Variants in DCHS2 observed in about 807,000 individuals in gnomAD.
The protein encoded by DCHS2 is dachsous cadherin-related 2.
A neutral mutation model predicts 182.4 loss-of-function variants in DCHS2; 142 were observed. The observed-to-expected ratio is 0.78, with a 90% CI of 0.68 to 0.89. DCHS2 has a LOEUF of 0.89. DCHS2 is among the 40% of genes least tolerant of loss of function. The pLI is 0.00. For missense variants in DCHS2, 4,319 were observed against 4,198.6 expected (o/e 1.03, Z -0.79); for synonymous variants, 1,740 against 1,663.3 (o/e 1.05, Z -1.12).
At position 154,393,381 on chromosome 4, in the gene DCHS2, A is replaced by G. The variant is rs554018449; in HGVS notation, c.2053-15937T>C. On this transcript the variant is annotated intron_variant, in intron 1 of 19. Transcript: ENST00000357232. ...GGGCTTGAAAGCTTTTGGTTGGGGG[A>G]AAAAAAATGGGCTTCATATTTTAAC... Among the ~76,000 whole-genome samples the G allele has an allele frequency of 2.6e-5, 4 of 151,940 alleles. No individual in the cohort carries two copies. The East Asian group carries it at 5.8e-4, about 22-fold the overall frequency.
At chr4:154,292,610 G>A (rs972246774) in intron 13 of DCHS2, among the ~76,000 whole-genome samples, 1 of 152,162 alleles carries the variant, frequency 6.6e-6, no homozygotes, top group African/African-American at 2.4e-5. Flanking sequence ...TTTGCTTTTA[G>A]TGCCATTCCT....
In DCHS2 at chr4:154,478,972, T is replaced by C. The variant is rs150203600; in HGVS notation, c.2052+10332A>G. On this transcript the variant is annotated intron_variant, in intron 1 of 19. Transcript: ENST00000357232. ...CAATATCTGAAAAACTAGAGAAATA[T>C]GATACATTTACAAGACAAAAAACAA... is the stretch of plus-strand genomic sequence containing the variant. Among the ~76,000 whole-genome samples, 211 of 152,156 alleles carry C rather than the reference T, an allele frequency of 1.4e-3. 1 individual carries two copies. Among genetic ancestry groups the C allele is most frequent in the African/African-American group, 4.8e-3 (199 of 41,518 alleles).
chr4:154,359,018 T>C (rs909942679), intron 3 of DCHS2, among the ~76,000 whole-genome samples: 1 of 151,846 alleles, frequency 6.6e-6, no homozygotes, highest in Admixed American at 6.6e-5. Context: ...TTGGTCAGAG[T>C]AAAATTTATG....
intron 1 of DCHS2, among the ~76,000 whole-genome samples, chr4:154,405,434 T>G (rs950279908): frequency 1.3e-5 from 2 of 150,794 alleles, no homozygotes; most frequent in Non-Finnish European, 3.0e-5. Flanking sequence ...TTATTAGCCC[T>G]TATTGATTCA....
chr4:154,344,991 G>C (rs966793651), intron 3 of DCHS2, among the ~76,000 whole-genome samples: 2 of 152,188 alleles, frequency 1.3e-5, no homozygotes, highest in Admixed American at 1.3e-4. Context: ...CAAAGGACTT[G>C]GGAGGAATAC....
At chr4:154,292,130 A>C (rs1255663938) in intron 13 of DCHS2, among the ~76,000 whole-genome samples, 1 of 152,208 alleles carries the variant, frequency 6.6e-6, no homozygotes, top group Middle Eastern at 3.2e-3. Context: ...ATGTAAAAAA[A>C]CAAATTTTCT....
At chr4:154,470,641 TACATATGTC>T (rs1428029766) in intron 1 of DCHS2, among the ~76,000 whole-genome samples, 2 of 152,218 alleles carry the variant, frequency 1.3e-5, no homozygotes, top group Non-Finnish European at 2.9e-5. Flanking sequence ...AACGCTGCTG[TACATATGTC>T]ACTCATCTCA....
rs562695209 is a variant in DCHS2 at position 154,386,737 on chromosome 4, T to C, written c.2053-9293A>G. Among the ~76,000 whole-genome samples the C allele has an allele frequency of 2.6e-3, 402 of 152,272 alleles. 23 individuals are homozygous for C. The South Asian group carries it at 0.079, about 30-fold the overall frequency. Reference sequence around the variant, plus strand: ...TGTTTGTTGCATGAATTAATGAATCTAATACTGTGTATAGGATACAAGCAC... The same window carrying C: ...TGTTTGTTGCATGAATTAATGAATCCAATACTGTGTATAGGATACAAGCAC... On this transcript the variant is annotated intron_variant, in intron 1 of 19. Transcript: ENST00000357232.
At chr4:154,251,995 G>T (rs1323349300) in intron 16 of DCHS2, among the ~76,000 whole-genome samples, 290 of 152,160 alleles carry the variant, frequency 1.9e-3, no homozygotes, top group Middle Eastern at 3.4e-3. Flanking sequence ...GGCTTAATAT[G>T]AAAACTAAAA....
intron 1 of DCHS2, among the ~76,000 whole-genome samples, chr4:154,384,651 T>A (rs542482831): frequency 2.6e-5 from 4 of 152,164 alleles, no homozygotes; most frequent in Admixed American, 1.3e-4. Flanking sequence ...GGGTCCTATA[T>A]CCAACAAATG....
At chr4:154,302,728 G>T (rs4622978) in intron 12 of DCHS2, among the ~76,000 whole-genome samples, 11,442 of 146,128 alleles carry the variant, frequency 0.078, 1,088 homozygotes, top group African/African-American at 0.23. Flanking sequence ...GGAGACTTTG[G>T]GACCATGAAG....
At chr4:154,341,284 G>A (rs1180553219) in intron 3 of DCHS2, among the ~76,000 whole-genome samples, 2 of 151,246 alleles carry the variant, frequency 1.3e-5, no homozygotes, top group African/African-American at 4.9e-5. Flanking sequence ...CAGGAGAATG[G>A]CGTGAACCCG....
chr4:154,483,637 G>A (rs1017926174), intron 1 of DCHS2, among the ~76,000 whole-genome samples: 3 of 152,146 alleles, frequency 2.0e-5, no homozygotes, highest in Non-Finnish European at 4.4e-5. Context: ...TTCAAATAAC[G>A]AGTGCCTTAA....
At chr4:154,391,977 C>A (rs1731728708) in intron 1 of DCHS2, among the ~76,000 whole-genome samples, 1 of 152,076 alleles carries the variant, frequency 6.6e-6, no homozygotes, top group African/African-American at 2.4e-5. Context: ...ATACTATATA[C>A]TATATACTAA....
At position 154,239,059 on chromosome 4, in the gene DCHS2, T is replaced by C. The variant is rs141273084; in HGVS notation, c.7492+111A>G. On this transcript the variant is annotated intron_variant, in intron 19 of 19. Coordinates refer to ENST00000357232, the MANE Select transcript of DCHS2 (RefSeq NM_001358235.2). ...TGAAACAGTCGTGCTTATAATTCCA[T>C]GCGGGGTGGGGAGGTGGGGAACTTT... The C allele has an allele frequency of 7.9e-4, 1,094 of 1,382,666 alleles. 11 individuals are homozygous for C. The African/African-American group carries it at 0.015, about 18-fold the overall frequency. 85.6% of individuals were successfully genotyped at this position (1,382,666 alleles called of 1,614,324 possible). A position where few individuals can be genotyped will look rare whatever the true frequency, so the allele number is the denominator to read the frequency against.
chr4:154,357,385 T>A, intron 3 of DCHS2: 1 of 1,068,508 alleles, frequency 9.4e-7, no homozygotes, highest in Non-Finnish European at 1.4e-6. Flanking sequence ...AAAAAGCAGG[T>A]AAGCTATAAG....
intron 13 of DCHS2, among the ~76,000 whole-genome samples, chr4:154,287,081 T>C (rs981549862): frequency 5.3e-5 from 8 of 151,882 alleles, no homozygotes; most frequent in African/African-American, 7.2e-5. Flanking sequence ...GAAATAAGCT[T>C]TTATCCTAGA....
At chr4:154,326,269 T>A (rs1420614485) in intron 7 of DCHS2, among the ~76,000 whole-genome samples, 1 of 152,198 alleles carries the variant, frequency 6.6e-6, no homozygotes. Context: ...TTAACATTCT[T>A]TGTCCAATTT....
In DCHS2 at chr4:154,490,590, G is replaced by C. The variant is rs1052365904; in HGVS notation, c.766C>G (p.Arg256Gly). ...AGCCGGTGCGCCGCCGCCTCCTCTC[G>C]GTCCAAGCGCCGCAGCAGCACCAGA... is the stretch of plus-strand genomic sequence containing the variant. ...LDLVLLRRLD[R>G]EEAAAHRLQI... The change falls in exon 1 of 20, where the codon CGA (arginine) becomes GGA (glycine). Residue 256 changes from arginine (R) to glycine (G), a missense_variant. Arg to Gly is a moderately radical substitution (Grantham distance 125). Transcript: ENST00000357232. 1 of 1,545,898 alleles carries C rather than the reference G, an allele frequency of 6.5e-7. No homozygotes were observed. Among genetic ancestry groups the C allele is most frequent in the African/African-American group, 1.4e-5 (1 of 73,022 alleles).
Sources: gnomAD v4.1 joint callset for allele counts (sites outside exome capture counted in the v4.1 genomes callset) on GRCh38, gnomAD v4.1.1 for gene constraint, MANE v1.5 for transcripts, NCBI Gene and HGNC (gene_info 2026-07-23, HGNC 2026-07-21) for gene names.